The following DOCK5 variants were observed in gnomAD, a reference collection of about 807,000 sequenced individuals.
DOCK5 encodes dedicator of cytokinesis protein 5.
A neutral mutation model predicts 251.8 loss-of-function variants in DOCK5; 142 were observed. That is an observed-to-expected ratio of 0.56 (90% CI 0.49 to 0.65). The LOEUF (loss-of-function observed/expected upper bound fraction) is 0.65, where lower values mean the gene tolerates loss of function less well. DOCK5 is among the 30% of genes least tolerant of loss of function. The pLI is 0.00. For synonymous variants in DOCK5, 842 were observed against 835.5 expected (o/e 1.01, Z -0.13); for missense variants, 2,111 against 2,312.3 (o/e 0.91, Z 1.79).
At position 25,296,496 on chromosome 8, in the gene DOCK5, T is replaced by G; in HGVS notation, c.471-17T>G. On this transcript the variant is annotated splice_polypyrimidine_tract_variant and intron_variant, in intron 6 of 51. Transcript: ENST00000276440. The stretch of plus-strand genomic sequence containing the variant: ...CCCCTGGTGAGGAGAACCAGCTGAC[T>G]ACTCCTTTCTCTCCAGAATGCTGGG... The G allele has an allele frequency of 3.7e-6, 6 of 1,603,350 alleles. No homozygotes were observed. The highest frequency in any genetic ancestry group is 5.1e-6 in the Non-Finnish European group (6 of 1,174,874).
In DOCK5 at chr8:25,410,143, C is replaced by A. The variant is rs780298813; in HGVS notation, c.5449C>A (p.Pro1817Thr). Reference protein sequence around the residue: ...QTDGIAATPVPPPPPPKSKPY... With the variant: ...QTDGIAATPVTPPPPPKSKPY... Reference sequence around the variant, plus strand: ...AGATGGAATCGCGGCCACTCCTGTCCCACCTCCACCTCCCCCCAAAAGCAA... The same window carrying A: ...AGATGGAATCGCGGCCACTCCTGTCACACCTCCACCTCCCCCCAAAAGCAA... Residue 1817 changes from proline (P) to threonine (T), a missense_variant, in exon 51 of 52, where the codon CCA (proline) becomes ACA (threonine). Physicochemically the swap from Pro to Thr is conservative, Grantham distance 38. Transcript: ENST00000276440. 1.2e-6 allele frequency: 2 copies of A among 1,613,138 alleles called. No individual in the cohort carries two copies. Among genetic ancestry groups the A allele is most frequent in the East Asian group, 4.5e-5 (2 of 44,796 alleles).
At chr8:25,300,954 C>A (rs1256472248) in intron 9 of DOCK5, among the ~76,000 whole-genome samples, 1 of 152,172 alleles carries the variant, frequency 6.6e-6, no homozygotes, top group African/African-American at 2.4e-5. Flanking sequence ...AATCCCAGGA[C>A]TTTGGGAGGC....
chr8:25,319,458 G>A, intron 14 of DOCK5, 120 bp from the exon 15 acceptor site: 5 of 611,230 alleles, frequency 8.2e-6, no homozygotes, highest in Non-Finnish European at 1.2e-5. Context: ...CAGCCGATCA[G>A]TGCCAGTGTA....
In DOCK5 at chr8:25,188,605, G is replaced by T. The variant is rs1801490636; in HGVS notation, c.43+3654G>T. Among the ~76,000 whole-genome samples, 3 of 152,342 alleles carry T rather than the reference G, an allele frequency of 2.0e-5. No individual in the cohort carries two copies. The South Asian group carries it at 6.2e-4, about 32-fold the overall frequency. On this transcript the variant is annotated intron_variant, in intron 1 of 51. Transcript: ENST00000276440. The stretch of plus-strand genomic sequence containing the variant: ...TAGATGTTTCTACAGGGACTGAAAT[G>T]CAGCCTGTCTGGGCTTTCTTAGTTC...
intron 1 of DOCK5, among the ~76,000 whole-genome samples, chr8:25,233,745 T>G (rs898477928): frequency 6.6e-6 from 1 of 151,664 alleles, no homozygotes; most frequent in Non-Finnish European, 1.5e-5. Flanking sequence ...TATTTTTTAG[T>G]GCTTCACTTT....
At chr8:25,354,690 T>C (rs889181320) in intron 27 of DOCK5, among the ~76,000 whole-genome samples, 2 of 152,058 alleles carry the variant, frequency 1.3e-5, no homozygotes, top group African/African-American at 4.8e-5. Flanking sequence ...CGAAGAGAGA[T>C]GTGGAAAAAG....
intron 2 of DOCK5, among the ~76,000 whole-genome samples, chr8:25,257,593 C>G (rs1803451619): frequency 6.6e-6 from 1 of 152,154 alleles, no homozygotes; most frequent in African/African-American, 2.4e-5. Flanking sequence ...TTGCGGTGAG[C>G]TCTTTCTGAA....
intron 37 of DOCK5, chr8:25,376,277 T>C (rs895392975): frequency 1.4e-4 from 141 of 985,080 alleles, no homozygotes; most frequent in Non-Finnish European, 1.6e-4. Flanking sequence ...AGATATGAGG[T>C]ATGAATGCAG....
At position 25,395,469 on chromosome 8, in the gene DOCK5, A is replaced by G. The variant is rs575730635; in HGVS notation, c.4528-74A>G. Reference sequence around the variant, plus strand: ...TGGGCATTTTATACCTCTTCAAGGGAAGAGTTAAACTTTTTTCAGTCTTTA... The same window carrying G: ...TGGGCATTTTATACCTCTTCAAGGGGAGAGTTAAACTTTTTTCAGTCTTTA... On this transcript the variant is annotated intron_variant, in intron 44 of 51. Coordinates refer to ENST00000276440, the MANE Select transcript of DOCK5 (RefSeq NM_024940.8). The G allele has an allele frequency of 3.4e-6, 5 of 1,488,450 alleles. No homozygotes were observed. In the African/African-American group the frequency reaches 7.1e-5, roughly 21 times the overall value. 92.2% of individuals were successfully genotyped at this position (1,488,450 alleles called of 1,614,324 possible). A position where few individuals can be genotyped will look rare whatever the true frequency, so the allele number is the denominator to read the frequency against.
At chr8:25,302,491 C>A in intron 10 of DOCK5, 37 bp downstream of exon 10, 1 of 1,492,164 alleles carries the variant, frequency 6.7e-7, no homozygotes, top group Non-Finnish European at 9.0e-7. Flanking sequence ...TGAAATAGTG[C>A]AGTGCTGTGG....
intron 2 of DOCK5, among the ~76,000 whole-genome samples, chr8:25,263,233 G>C (rs939856237): frequency 1.0e-3 from 3 of 2,986 alleles, no homozygotes; most frequent in South Asian, 0.12. Context: ...CCCTTGTTTG[G>C]GACGTTGTGC....
Position 25,401,050 on chromosome 8 carries a change from A to T in DOCK5, c.4910A>T (p.Tyr1637Phe). 6.2e-7 allele frequency: 1 copy of T among 1,613,984 alleles called. No homozygotes were observed. The highest frequency in any genetic ancestry group is 8.5e-7 in the Non-Finnish European group (1 of 1,179,858). ...RELKEKVEKH[Y>F]GVITLPPNLT... ...CTCAAGGAGAAAGTAGAAAAGCACT[A>T]TGGGGTTATAACACTGGTAAGCATG... The change falls in exon 47 of 52, where the codon TAT becomes TTT. Residue 1637 changes from tyrosine (Y) to phenylalanine (F), a missense_variant. Physicochemically the swap from Tyr to Phe is conservative, Grantham distance 22 (BLOSUM62 3). Transcript: ENST00000276440.
At chr8:25,328,945 C>G (rs1387356724) in intron 18 of DOCK5, among the ~76,000 whole-genome samples, 1 of 152,198 alleles carries the variant, frequency 6.6e-6, no homozygotes, top group Non-Finnish European at 1.5e-5. Flanking sequence ...AAAAATCTTT[C>G]TTAAGCTCCT....
At chr8:25,315,044 A>G (rs1373096177) in intron 13 of DOCK5, among the ~76,000 whole-genome samples, 5 of 146,208 alleles carry the variant, frequency 3.4e-5, no homozygotes, top group Non-Finnish European at 7.5e-5. Flanking sequence ...TGCATCCTGA[A>G]TGTTCTATTC....
At chr8:25,231,623 A>G (rs376212716) in intron 1 of DOCK5, among the ~76,000 whole-genome samples, 1 of 152,184 alleles carries the variant, frequency 6.6e-6, no homozygotes. Context: ...TAATCATGGT[A>G]TTTGCTCATA....
chr8:25,400,700 A>G (rs924529878), intron 46 of DOCK5, among the ~76,000 whole-genome samples: 1 of 152,034 alleles, frequency 6.6e-6, no homozygotes, highest in Non-Finnish European at 1.5e-5. Context: ...CTCATCCCAC[A>G]GTCCTTCCCC....
At chr8:25,380,265 C>T in intron 38 of DOCK5, 40 bp from the exon 39 acceptor site, 5 of 1,564,448 alleles carry the variant, frequency 3.2e-6, no homozygotes, top group Non-Finnish European at 4.3e-6. Flanking sequence ...CAATGACTGC[C>T]TTGTTCTCCA....
intron 1 of DOCK5, among the ~76,000 whole-genome samples, chr8:25,208,581 G>A (rs1238589264): frequency 1.3e-5 from 2 of 152,164 alleles, no homozygotes; most frequent in African/African-American, 2.4e-5. Flanking sequence ...ATGATCATAT[G>A]CATTTTTTTA....
chr8:25,242,558 C>T lies in DOCK5; in HGVS notation c.44-1116C>T, dbSNP rs188620336. ...TCACTGTAGTTTTAATTTGTATTTT[C>T]CCATGACTAATAGTGTCGAACATCT... On this transcript the variant is annotated intron_variant, in intron 1 of 51. Coordinates refer to ENST00000276440, the MANE Select transcript of DOCK5 (RefSeq NM_024940.8). 6.7e-3 allele frequency among the ~76,000 whole-genome samples: 1,019 copies of T among 152,226 alleles called. 10 individuals are homozygous for T. Among genetic ancestry groups the T allele is most frequent in the African/African-American group, 0.023 (971 of 41,532 alleles).
Sources: gnomAD v4.1 joint callset for allele counts (sites outside exome capture counted in the v4.1 genomes callset) on GRCh38, gnomAD v4.1.1 for gene constraint, MANE v1.5 for transcripts, NCBI Gene and HGNC (gene_info 2026-07-23, HGNC 2026-07-21) for gene names.